Variants in FGGY observed in about 807,000 individuals in gnomAD.
FGGY encodes the protein FGGY carbohydrate kinase domain containing, also known as FGGY carbohydrate kinase domain-containing protein.
A neutral mutation model predicts 71.3 loss-of-function variants in FGGY; 72 were observed. That is an observed-to-expected ratio of 1.01 (90% CI 0.84 to 1.23). The LOEUF (loss-of-function observed/expected upper bound fraction) is 1.23. FGGY is among the 50% of genes most tolerant of loss of function. The pLI is 0.00. For missense variants in FGGY, 668 were observed against 682.3 expected (o/e 0.98, Z 0.23); for synonymous variants, 251 against 250.3 (o/e 1.00, Z -0.02).
At chr1:59,548,970 G>A (rs570041312) in intron 7 of FGGY, among the ~76,000 whole-genome samples, 1 of 152,286 alleles carries the variant, frequency 6.6e-6, no homozygotes, top group East Asian at 1.9e-4. Context: ...ATCACATGAT[G>A]AATGAGTCCT....
intron 6 of FGGY, among the ~76,000 whole-genome samples, chr1:59,467,958 C>T (rs1434082429): frequency 6.6e-6 from 1 of 151,410 alleles, no homozygotes; most frequent in Non-Finnish European, 1.5e-5. Context: ...GGCTGGAATG[C>T]AAGGGCATAG....
At chr1:59,729,591 C>G (rs2097998075) in intron 14 of FGGY, among the ~76,000 whole-genome samples, 1 of 152,238 alleles carries the variant, frequency 6.6e-6, no homozygotes. Flanking sequence ...TTTTTCATCC[C>G]CACTATTGTC....
At position 59,535,654 on chromosome 1, in the gene FGGY, A is replaced by G. The variant is rs202203102; in HGVS notation, c.800-18470A>G. Among the ~76,000 whole-genome samples the G allele has an allele frequency of 5.9e-5, 9 of 151,284 alleles. No individual in the cohort carries two copies. In the East Asian group the frequency reaches 1.7e-3, roughly 29 times the overall value. On this transcript the variant is annotated intron_variant, in intron 7 of 15. Coordinates refer to ENST00000303721, the MANE Select transcript of FGGY (RefSeq NM_018291.5). The stretch of plus-strand genomic sequence containing the variant: ...TATCTCTCAGACCACAGTGCAATCA[A>G]ACTAGAACTCAGGATTAAGAATCTC...
At chr1:59,394,302 T>C (rs1185779675) in intron 5 of FGGY, among the ~76,000 whole-genome samples, 1 of 152,220 alleles carries the variant, frequency 6.6e-6, no homozygotes, top group Non-Finnish European at 1.5e-5. Context: ...CTCATATTCA[T>C]AATTGTATTC....
chr1:59,745,760 C>T (rs949455788), intron 14 of FGGY, among the ~76,000 whole-genome samples: 4 of 152,148 alleles, frequency 2.6e-5, no homozygotes, highest in African/African-American at 9.7e-5. Context: ...GGACTCTAAG[C>T]TAGCTATGGA....
At chr1:59,427,437 G>A (rs1413272020) in intron 5 of FGGY, among the ~76,000 whole-genome samples, 1 of 152,224 alleles carries the variant, frequency 6.6e-6, no homozygotes, top group African/African-American at 2.4e-5. Flanking sequence ...GCGGAGGTAA[G>A]AGTTGGTTAC....
Position 59,745,555 on chromosome 1 carries a change from C to T in FGGY, c.1513-12376C>T, listed in dbSNP as rs562885316. ...AAATTTCAAAAGTGTTCAGACCCTG[C>T]GGCCTTTCATGATATTTCACTTTCT... is the stretch of plus-strand genomic sequence containing the variant. On this transcript the variant is annotated intron_variant, in intron 14 of 15. Transcript: ENST00000303721. Among the ~76,000 whole-genome samples the T allele has an allele frequency of 3.3e-5, 5 of 152,296 alleles. No homozygotes were observed. The South Asian group carries it at 1.0e-3, about 32-fold the overall frequency.
chr1:59,653,105 C>A (rs554912353), intron 11 of FGGY, among the ~76,000 whole-genome samples: 3 of 152,306 alleles, frequency 2.0e-5, no homozygotes, highest in East Asian at 3.9e-4. Flanking sequence ...AGGCAGTCTG[C>A]GGGTTCTCAG....
At chr1:59,389,531 A>G (rs1460772790) in intron 5 of FGGY, among the ~76,000 whole-genome samples, 2 of 152,166 alleles carry the variant, frequency 1.3e-5, no homozygotes, top group African/African-American at 2.4e-5. Flanking sequence ...ATTGTCAATG[A>G]TGCTGTGGCG....
chr1:59,753,235 T>C (rs2098260905), intron 14 of FGGY, among the ~76,000 whole-genome samples: 1 of 152,066 alleles, frequency 6.6e-6, no homozygotes, highest in African/African-American at 2.4e-5. Context: ...TAAATTCATA[T>C]TGTTATGTTG....
Position 59,460,518 on chromosome 1 carries a change from C to T in FGGY, c.670+3442C>T, listed in dbSNP as rs141041096. ...CAGCAGAAACCTCTGCAGTCTTAAA[C>T]GTTCCTGTCTGACAGCTCTGAAGAG... is the stretch of plus-strand genomic sequence containing the variant. On this transcript the variant is annotated intron_variant, in intron 6 of 15. Transcript: ENST00000303721. 7.6e-4 allele frequency among the ~76,000 whole-genome samples: 116 copies of T among 152,336 alleles called. 1 individual carries two copies. Among genetic ancestry groups the T allele is most frequent in the African/African-American group, 2.6e-3 (109 of 41,566 alleles).
rs569429433 is a variant in FGGY, at chr1:59,584,954, A to G, written c.904-22849A>G. Among the ~76,000 whole-genome samples the G allele has an allele frequency of 2.0e-4, 27 of 137,116 alleles. 4 individuals are homozygous for G. The highest frequency in any genetic ancestry group is 8.4e-4 in the African/African-American group (26 of 31,040). 90.0% of individuals were successfully genotyped at this position (137,116 alleles called of 152,430 possible). A position where few individuals can be genotyped will look rare whatever the true frequency, so the allele number is the denominator to read the frequency against. On this transcript the variant is annotated intron_variant, in intron 8 of 15. Coordinates refer to ENST00000303721, the MANE Select transcript of FGGY (RefSeq NM_018291.5). ...AGAGAATAAAATAGCTAGGAATCCA[A>G]CTTACAAGGGACGTGAAGGACCTCA...
intron 6 of FGGY, among the ~76,000 whole-genome samples, chr1:59,476,018 C>T (rs1227313123): frequency 1.3e-5 from 2 of 152,226 alleles, no homozygotes; most frequent in African/African-American, 4.8e-5. Flanking sequence ...CCCACGTAGT[C>T]ACCATCCAAC....
chr1:59,603,560 A>C (rs2096597130), intron 8 of FGGY, among the ~76,000 whole-genome samples: 1 of 152,212 alleles, frequency 6.6e-6, no homozygotes, highest in Non-Finnish European at 1.5e-5. Context: ...CCCAGCATTC[A>C]TGCATTCCTC....
chr1:59,709,684 C>T (rs2154026033), intron 14 of FGGY, among the ~76,000 whole-genome samples: 1 of 152,282 alleles, frequency 6.6e-6, no homozygotes, highest in South Asian at 2.1e-4. Context: ...CAGTAGTTCT[C>T]AAATGTCACT....
intron 6 of FGGY, among the ~76,000 whole-genome samples, chr1:59,463,960 A>T (rs1375465003): frequency 6.6e-6 from 1 of 152,186 alleles, no homozygotes; most frequent in African/African-American, 2.4e-5. Context: ...GATCAACAAG[A>T]CAGAAGCTTA....
chr1:59,671,143 T>A lies in FGGY; in HGVS notation c.1418-2896T>A, dbSNP rs554688717. On this transcript the variant is annotated intron_variant, in intron 13 of 15. Transcript: ENST00000303721. ...TAATGTCCAGCCAAGAGGTTCTTTA[T>A]AAAACACAGAAAAAGTGCCCTTGGT... Among the ~76,000 whole-genome samples, 22 of 152,282 alleles carry A rather than the reference T, an allele frequency of 1.4e-4. No homozygotes were observed. In the East Asian group the frequency reaches 2.3e-3, roughly 16 times the overall value.
At chr1:59,700,530 T>C (rs1367440078) in intron 14 of FGGY, among the ~76,000 whole-genome samples, 1 of 152,200 alleles carries the variant, frequency 6.6e-6, no homozygotes, top group Non-Finnish European at 1.5e-5. Context: ...TTATTAGTTT[T>C]TCCTTGAACT....
chr1:59,348,726 G>C (rs2052632632), intron 4 of FGGY, among the ~76,000 whole-genome samples: 1 of 152,186 alleles, frequency 6.6e-6, no homozygotes, highest in African/African-American at 2.4e-5. Flanking sequence ...TGGTAGGAAA[G>C]AAGGGCTTCA....
Sources: gnomAD v4.1 joint callset for allele counts (sites outside exome capture counted in the v4.1 genomes callset) on GRCh38, gnomAD v4.1.1 for gene constraint, MANE v1.5 for transcripts, NCBI Gene and HGNC (gene_info 2026-07-23, HGNC 2026-07-21) for gene names.